The following CA10 variants were observed in gnomAD, a reference collection of about 807,000 sequenced individuals.
CA10 encodes carbonic anhydrase 10 (inactive).
A neutral mutation model predicts 44.2 loss-of-function variants in CA10; 14 were observed. The ratio of observed to expected loss-of-function variants is 0.32; its 90% CI spans 0.21 to 0.50. The LOEUF is 0.50. Ranked by LOEUF, CA10 falls within the 20% of genes least tolerant of loss-of-function variation. CA10 has a pLI of 0.99. For synonymous variants in CA10, 159 were observed against 141.6 expected (o/e 1.12, Z -0.87); for missense variants, 350 against 409.7 (o/e 0.85, Z 1.26).
intron 4 of CA10, among the ~76,000 whole-genome samples, chr17:51,677,434 TC>T (rs1914661967): frequency 6.6e-6 from 1 of 152,154 alleles, no homozygotes; most frequent in Non-Finnish European, 1.5e-5. Context: ...GCTCCTGCCA[TC>T]ATTGTAAGTT....
rs147435972 is a variant in CA10, at chr17:51,909,379, A to G, written c.279+21611T>C. ...AAGACCGAGAATCCAGCTTGTTACC[A>G]TGATTTCAAGGAACTGAAAGCCACA... On this transcript the variant is annotated intron_variant, in intron 3 of 8. Coordinates refer to ENST00000451037, the MANE Select transcript of CA10 (RefSeq NM_020178.5). Among the ~76,000 whole-genome samples, 313 of 152,276 alleles carry G rather than the reference A, an allele frequency of 2.1e-3. 1 individual carries two copies. The highest frequency in any genetic ancestry group is 7.0e-3 in the African/African-American group (291 of 41,560).
chr17:51,793,594 G>A (rs905837810), intron 3 of CA10, among the ~76,000 whole-genome samples: 4 of 152,226 alleles, frequency 2.6e-5, no homozygotes, highest in Admixed American at 6.5e-5. Flanking sequence ...AGTTTGTTTG[G>A]TTAGAGGTTG....
chr17:51,648,063 C>G (rs1913409821), intron 6 of CA10, among the ~76,000 whole-genome samples: 1 of 152,208 alleles, frequency 6.6e-6, no homozygotes, highest in Admixed American at 6.5e-5. Context: ...CGCTTGGTGC[C>G]TGTCATGGGG....
chr17:52,115,517 C>T (rs1311829996), intron 1 of CA10, among the ~76,000 whole-genome samples: 1 of 152,184 alleles, frequency 6.6e-6, no homozygotes, highest in Non-Finnish European at 1.5e-5. Flanking sequence ...CTCAGTCCAG[C>T]CCAGTTTTTT....
At chr17:51,904,136 G>A (rs1458762911) in intron 3 of CA10, among the ~76,000 whole-genome samples, 2 of 151,264 alleles carry the variant, frequency 1.3e-5, no homozygotes, top group Non-Finnish European at 2.9e-5. Context: ...GAATTTCAGT[G>A]TTAAAACTGA....
chr17:51,717,829 GTA>G (rs55932655), intron 4 of CA10, among the ~76,000 whole-genome samples: 959 of 7,914 alleles, frequency 0.12, 161 homozygotes, highest in Middle Eastern at 0.3. Flanking sequence ...ATATGTGTGT[GTA>G]TATATATATA....
intron 3 of CA10, among the ~76,000 whole-genome samples, chr17:51,792,953 G>A (rs953360361): frequency 6.6e-6 from 1 of 152,196 alleles, no homozygotes; most frequent in African/African-American, 2.4e-5. Flanking sequence ...ACTTGCCCAA[G>A]GTTGGCCATA....
At chr17:51,936,740 T>A (rs139226292) in intron 2 of CA10, among the ~76,000 whole-genome samples, 8 of 141,170 alleles carry the variant, frequency 5.7e-5, no homozygotes, top group East Asian at 2.2e-4. Flanking sequence ...CATGGTCTGA[T>A]TTTTTAATTA....
chr17:51,784,224 C>G (rs150365504), intron 3 of CA10, among the ~76,000 whole-genome samples: 47 of 152,254 alleles, frequency 3.1e-4, no homozygotes, highest in Admixed American at 9.2e-4. Flanking sequence ...ATGGAGCTGG[C>G]AAACCCATGT....
At chr17:51,843,879 A>G (rs1022035495) in intron 3 of CA10, among the ~76,000 whole-genome samples, 2 of 152,186 alleles carry the variant, frequency 1.3e-5, no homozygotes, top group Admixed American at 1.3e-4. Context: ...CAATAGCATG[A>G]AAATAGTCAT....
chr17:51,794,467 A>G (rs1432357467), intron 3 of CA10, among the ~76,000 whole-genome samples: 1 of 152,148 alleles, frequency 6.6e-6, no homozygotes, highest in Non-Finnish European at 1.5e-5. Context: ...ATATTGTATT[A>G]ATTTTAATTT....
chr17:52,133,541 A>G (rs916676201), intron 1 of CA10, among the ~76,000 whole-genome samples: 5 of 152,214 alleles, frequency 3.3e-5, no homozygotes, highest in Admixed American at 6.5e-5. Context: ...AAACAGTTGC[A>G]TATCAGAAAC....
At chr17:51,972,433 G>A (rs1394297232) in intron 2 of CA10, among the ~76,000 whole-genome samples, 2 of 151,916 alleles carry the variant, frequency 1.3e-5, no homozygotes, top group Admixed American at 1.3e-4. Flanking sequence ...TAAGTTATCT[G>A]AAAACAACAG....
chr17:51,819,832 C>T (rs919713217), intron 3 of CA10, among the ~76,000 whole-genome samples: 41 of 152,158 alleles, frequency 2.7e-4, no homozygotes, highest in Non-Finnish European at 2.2e-4. Flanking sequence ...GAGCTCTACT[C>T]AAATCCTGCT....
intron 4 of CA10, among the ~76,000 whole-genome samples, chr17:51,719,357 G>C (rs1409526615): frequency 6.6e-6 from 1 of 152,128 alleles, no homozygotes; most frequent in African/African-American, 2.4e-5. Context: ...CCTGAGGTTC[G>C]CTTGTTGCTG....
At chr17:51,808,897 C>G (rs1023733239) in intron 3 of CA10, among the ~76,000 whole-genome samples, 2 of 152,028 alleles carry the variant, frequency 1.3e-5, no homozygotes, top group Non-Finnish European at 2.9e-5. Context: ...TTTATAATTT[C>G]AAAAATGACA....
At chr17:52,012,900 G>A (rs1199571068) in intron 2 of CA10, among the ~76,000 whole-genome samples, 2 of 151,946 alleles carry the variant, frequency 1.3e-5, no homozygotes, top group Non-Finnish European at 2.9e-5. Flanking sequence ...GACCCTGAGA[G>A]GGCTTCCTCT....
chr17:52,069,584 T>C (rs1166828561), intron 2 of CA10, among the ~76,000 whole-genome samples: 1 of 152,238 alleles, frequency 6.6e-6, no homozygotes, highest in Non-Finnish European at 1.5e-5. Context: ...GATTTATGGC[T>C]TATCTTCCTC....
At chr17:51,933,074 A>T (rs557411281) in intron 2 of CA10, among the ~76,000 whole-genome samples, 1 of 152,266 alleles carries the variant, frequency 6.6e-6, no homozygotes, top group South Asian at 2.1e-4. Flanking sequence ...CACCTCCACA[A>T]GTGAACTGAG....
Sources: gnomAD v4.1 joint callset for allele counts (sites outside exome capture counted in the v4.1 genomes callset) on GRCh38, gnomAD v4.1.1 for gene constraint, MANE v1.5 for transcripts, NCBI Gene and HGNC (gene_info 2026-07-23, HGNC 2026-07-21) for gene names.